Variants in FAM135B observed in about 807,000 individuals in gnomAD.
The protein encoded by FAM135B is protein FAM135B.
A neutral mutation model predicts 127.7 loss-of-function variants in FAM135B; 43 were observed. The observed-to-expected ratio is 0.34, with a 90% CI of 0.26 to 0.43. The LOEUF (loss-of-function observed/expected upper bound fraction) is 0.43, where lower values mean the gene tolerates loss of function less well. FAM135B is among the 20% of genes least tolerant of loss of function. The pLI is 1.00. For synonymous variants in FAM135B, 670 were observed against 665.1 expected (o/e 1.01, Z -0.11); for missense variants, 1,558 against 1,725.6 (o/e 0.90, Z 1.72).
chr8:138,476,514 C>T (rs1184653291), intron 1 of FAM135B, among the ~76,000 whole-genome samples: 1 of 150,174 alleles, frequency 6.7e-6, no homozygotes, highest in African/African-American at 2.5e-5. Flanking sequence ...GAACTGAAAA[C>T]TACTCTAAAA....
rs2130793033 is a variant in FAM135B, at chr8:138,153,153, A to G, written c.1322T>C (p.Leu441Pro). Residue 441 changes from leucine (L) to proline (P), a missense_variant, in exon 13 of 20, where the codon CTG becomes CCG. Transcript: ENST00000395297. ...CATACAGTTATCTTCCTTGTCTTTC[A>G]GATTCATTATTGTAGGACTTGTCAC... Reference protein sequence around the residue: ...VPVTSPTIMNLKDKEDNCMVN... With the variant: ...VPVTSPTIMNPKDKEDNCMVN... 6.2e-7 allele frequency: 1 copy of G among 1,610,812 alleles called. No homozygotes were observed.
chr8:138,427,930 G>C (rs1211237449), intron 1 of FAM135B, among the ~76,000 whole-genome samples: 1 of 152,024 alleles, frequency 6.6e-6, no homozygotes, highest in East Asian at 1.9e-4. Context: ...CATCTTCTCA[G>C]AATTCTCATC....
chr8:138,391,543 C>A (rs1832578753), intron 1 of FAM135B, among the ~76,000 whole-genome samples: 1 of 152,112 alleles, frequency 6.6e-6, no homozygotes, highest in Non-Finnish European at 1.5e-5. Flanking sequence ...AACCTGCAAG[C>A]ACCTACTTCT....
intron 3 of FAM135B, among the ~76,000 whole-genome samples, chr8:138,285,176 T>G (rs994425871): frequency 2.7e-5 from 3 of 109,316 alleles, no homozygotes; most frequent in Non-Finnish European, 5.1e-5. Context: ...AGACAGAGTC[T>G]CACTCTGTCA....
At chr8:138,296,257 C>T (rs1340694049) in intron 3 of FAM135B, among the ~76,000 whole-genome samples, 1 of 152,156 alleles carries the variant, frequency 6.6e-6, no homozygotes, top group Non-Finnish European at 1.5e-5. Flanking sequence ...GGCTGGCTTC[C>T]TTTCAAATTT....
chr8:138,217,078 T>C (rs112899725), intron 7 of FAM135B, among the ~76,000 whole-genome samples: 6 of 152,304 alleles, frequency 3.9e-5, no homozygotes, highest in South Asian at 4.1e-4. Flanking sequence ...TATGTAAGCA[T>C]TGCCTGTCAC....
chr8:138,224,608 C>A (rs1000878930), intron 7 of FAM135B, among the ~76,000 whole-genome samples: 10 of 152,132 alleles, frequency 6.6e-5, no homozygotes, highest in African/African-American at 2.4e-4. Flanking sequence ...TACACTGTAG[C>A]TATACCTAAA....
chr8:138,286,860 C>G (rs777210335), intron 3 of FAM135B, among the ~76,000 whole-genome samples: 2 of 152,224 alleles, frequency 1.3e-5, no homozygotes, highest in Non-Finnish European at 2.9e-5. Flanking sequence ...GGCTATGGCT[C>G]AAGCACACCA....
intron 2 of FAM135B, among the ~76,000 whole-genome samples, chr8:138,363,326 A>G (rs545473161): frequency 6.6e-6 from 1 of 152,116 alleles, no homozygotes; most frequent in African/African-American, 2.4e-5. Flanking sequence ...AAACTTTCAG[A>G]TTGCCCCACA....
intron 3 of FAM135B, among the ~76,000 whole-genome samples, chr8:138,280,164 T>C (rs1049462610): frequency 6.6e-6 from 1 of 152,144 alleles, no homozygotes; most frequent in Non-Finnish European, 1.5e-5. Context: ...TGATGCTTAC[T>C]AGGGTACCAA....
Position 138,480,105 on chromosome 8 carries a change from G to A in FAM135B, c.-20+16566C>T, listed in dbSNP as rs117303797. 6.6e-3 allele frequency among the ~76,000 whole-genome samples: 1,004 copies of A among 152,312 alleles called. 6 individuals are homozygous for A. Among genetic ancestry groups the A allele is most frequent in the Non-Finnish European group, 0.01 (682 of 68,034 alleles). ...AGCTAAACAACACGGTCATTCATTG[G>A]ATCTGGATGTCCATGAGCCTCTGGG... is the stretch of plus-strand genomic sequence containing the variant. On this transcript the variant is annotated intron_variant, in intron 1 of 19. Transcript: ENST00000395297.
At chr8:138,209,570 C>A (rs1159433469) in intron 7 of FAM135B, among the ~76,000 whole-genome samples, 7 of 152,222 alleles carry the variant, frequency 4.6e-5, no homozygotes, top group African/African-American at 1.7e-4. Flanking sequence ...TGATTCAGGT[C>A]AGGTCATGGA....
chr8:138,378,498 G>A (rs1831629547), intron 1 of FAM135B, among the ~76,000 whole-genome samples: 1 of 152,196 alleles, frequency 6.6e-6, no homozygotes, highest in Admixed American at 6.5e-5. Flanking sequence ...AAACAGTTCT[G>A]TAGCAATGGC....
Position 138,151,415 on chromosome 8 carries a change from A to C in FAM135B, c.3060T>G (p.Phe1020Leu), listed in dbSNP as rs770130320. 3.1e-6 allele frequency: 5 copies of C among 1,613,966 alleles called. No individual in the cohort carries two copies. The highest frequency in any genetic ancestry group is 1.7e-5 in the Admixed American group (1 of 59,984). ...MGSHLTSAET[F>L]TLDSLKAVEV... ...CCACAGCCTTCAGGCTGTCCAGAGT[A>C]AAGGTCTCTGCAGAAGTCAGATGGG... Residue 1020 changes from phenylalanine to leucine, a missense_variant, in exon 13 of 20, where the codon TTT (phenylalanine) becomes TTG (leucine). By Grantham distance (22) the Phe-to-Leu change is conservative (BLOSUM62 0). This residue lies in a region of FAM135B where 923 missense variants were observed against 865.3 expected (regional missense o/e 1.07). Transcript: ENST00000395297.
At chr8:138,249,197 T>G (rs1020715614) in intron 6 of FAM135B, among the ~76,000 whole-genome samples, 1 of 152,186 alleles carries the variant, frequency 6.6e-6, no homozygotes, top group Non-Finnish European at 1.5e-5. Flanking sequence ...TGCCAAGCCT[T>G]GGAGTGCATT....
At chr8:138,195,080 T>C (rs1290597293) in intron 9 of FAM135B, among the ~76,000 whole-genome samples, 178 bp downstream of exon 9, 1 of 152,246 alleles carries the variant, frequency 6.6e-6, no homozygotes, top group Non-Finnish European at 1.5e-5. Flanking sequence ...AGGCACATAC[T>C]TATAGAACAC....
intron 1 of FAM135B, among the ~76,000 whole-genome samples, chr8:138,380,864 A>G (rs1025045836): frequency 1.3e-5 from 2 of 152,042 alleles, no homozygotes; most frequent in Non-Finnish European, 2.9e-5. Context: ...ACATGCAGAC[A>G]TCGGGTAATG....
At chr8:138,487,376 G>C (rs1274673350) in intron 1 of FAM135B, among the ~76,000 whole-genome samples, 1 of 151,986 alleles carries the variant, frequency 6.6e-6, no homozygotes, top group African/African-American at 2.4e-5. Flanking sequence ...GAGAAGAGTG[G>C]CTACAGATTT....
At chr8:138,428,521 T>C (rs922656979) in intron 1 of FAM135B, among the ~76,000 whole-genome samples, 3 of 152,090 alleles carry the variant, frequency 2.0e-5, no homozygotes, top group African/African-American at 7.2e-5. Context: ...AACAGAGGAA[T>C]CATAAAATTG....
Sources: gnomAD v4.1 joint callset for allele counts (sites outside exome capture counted in the v4.1 genomes callset) on GRCh38, gnomAD v4.1.1 for gene constraint, gnomAD v4.1.1 regional missense constraint, MANE v1.5 for transcripts, NCBI Gene and HGNC (gene_info 2026-07-23, HGNC 2026-07-21) for gene names.